Variants in PACRG observed in about 807,000 individuals in gnomAD.
PACRG encodes the protein parkin coregulated, also known as parkin coregulated gene protein.
A neutral mutation model predicts 29.7 loss-of-function variants in PACRG; 29 were observed. The observed-to-expected ratio is 0.98, with a 90% CI of 0.73 to 1.33. The LOEUF (loss-of-function observed/expected upper bound fraction) is 1.33. PACRG is among the 40% of genes most tolerant of loss of function. The probability of loss-of-function intolerance (pLI) is 0.00; values close to 1 mark genes in which losing one functional copy is unlikely to be tolerated. For synonymous variants in PACRG, 116 were observed against 118.7 expected (o/e 0.98, Z 0.15); for missense variants, 279 against 316.2 (o/e 0.88, Z 0.89).
chr6:163,252,105 C>T (rs1053843186), intron 4 of PACRG, among the ~76,000 whole-genome samples: 2 of 152,176 alleles, frequency 1.3e-5, no homozygotes, highest in Admixed American at 6.5e-5. Flanking sequence ...CACCGCAAAA[C>T]GCTCCCACGT....
chr6:162,979,290 G>C (rs4235943), intron 2 of PACRG, among the ~76,000 whole-genome samples: 81,097 of 151,620 alleles, frequency 0.53, 24,304 homozygotes, highest in African/African-American at 0.81. Flanking sequence ...ACATGTTGAG[G>C]ATTTTGTCAT....
chr6:163,096,576 G>C (rs990931954), intron 4 of PACRG, among the ~76,000 whole-genome samples: 9 of 152,182 alleles, frequency 5.9e-5, no homozygotes, highest in African/African-American at 1.7e-4. Flanking sequence ...TAACAACTCC[G>C]TGCCTTAGTC....
At chr6:162,833,377 A>G (rs981351608) in intron 2 of PACRG, among the ~76,000 whole-genome samples, 6 of 152,182 alleles carry the variant, frequency 3.9e-5, no homozygotes, top group African/African-American at 1.2e-4. Context: ...AGATATTACC[A>G]ACACTTTTTG....
chr6:162,943,297 T>C (rs1269086848), intron 2 of PACRG, among the ~76,000 whole-genome samples: 1 of 152,026 alleles, frequency 6.6e-6, no homozygotes, highest in South Asian at 2.1e-4. Flanking sequence ...CCCATTGATA[T>C]CCCCCATCCA....
rs60487047 is a variant in PACRG at position 163,269,947 on chromosome 6, G to GA, written c.614-44877dup. Among the ~76,000 whole-genome samples, 226 of 36,116 alleles carry GA rather than the reference G, an allele frequency of 6.3e-3. 36 individuals are homozygous for GA. Among genetic ancestry groups the GA allele is most frequent in the African/African-American group, 0.035 (192 of 5,434 alleles). The allele number at this position is 36,116 out of a possible 152,430, so 23.7% of individuals were successfully genotyped here. On this transcript the variant is annotated intron_variant, in intron 4 of 4. Transcript: ENST00000366888. ...GAAAGAAAACAAAGAAAGAAAGAAA[G>GA]AAAGAAAGAAAGAAAGAAAGAAAGA... is the stretch of plus-strand genomic sequence containing the variant.
chr6:163,132,826 A>G (rs1176633408), intron 4 of PACRG, among the ~76,000 whole-genome samples: 2 of 152,224 alleles, frequency 1.3e-5, no homozygotes, highest in Admixed American at 6.5e-5. Flanking sequence ...TTCACTTCCA[A>G]ATGGACTTCA....
chr6:162,730,167 A>G (rs1046332877), intron 1 of PACRG, among the ~76,000 whole-genome samples: 4 of 152,134 alleles, frequency 2.6e-5, no homozygotes, highest in African/African-American at 9.7e-5. Flanking sequence ...AAACCAAAAT[A>G]ACAACATTCA....
At chr6:162,775,162 A>C (rs1253410437) in intron 1 of PACRG, among the ~76,000 whole-genome samples, 3 of 152,200 alleles carry the variant, frequency 2.0e-5, no homozygotes, top group African/African-American at 7.2e-5. Flanking sequence ...ACCCAGTGAG[A>C]AGGTATAACA....
chr6:162,851,985 AAGGGAGGG>A (rs138868271), intron 2 of PACRG, among the ~76,000 whole-genome samples: 35 of 114,008 alleles, frequency 3.1e-4, no homozygotes, highest in Admixed American at 4.6e-4. Context: ...GAGAAAAGAA[AAGGGAGGG>A]AGGGAGGGAG....
chr6:162,862,789 C>A (rs761156869), intron 2 of PACRG, among the ~76,000 whole-genome samples: 2 of 152,132 alleles, frequency 1.3e-5, no homozygotes, highest in Non-Finnish European at 2.9e-5. Context: ...GCCACCACAT[C>A]CCAGGCTGCA....
intron 4 of PACRG, among the ~76,000 whole-genome samples, chr6:163,231,466 G>A (rs1279557229): frequency 6.6e-6 from 1 of 152,112 alleles, no homozygotes; most frequent in Non-Finnish European, 1.5e-5. Flanking sequence ...GGAGAGCCCC[G>A]GGCTGCTCTG....
At chr6:162,982,009 G>A (rs1802477790) in intron 2 of PACRG, among the ~76,000 whole-genome samples, 1 of 144,998 alleles carries the variant, frequency 6.9e-6, no homozygotes, top group African/African-American at 2.5e-5. Context: ...ATTTCTTCTT[G>A]ATTTAATCTA....
chr6:163,058,774 C>T (rs558472252), intron 2 of PACRG, among the ~76,000 whole-genome samples: 8 of 152,306 alleles, frequency 5.3e-5, no homozygotes, highest in African/African-American at 1.7e-4. Flanking sequence ...GTGGCAGGCA[C>T]CTGTGGTCCC....
chr6:163,020,146 A>G (rs1476067570), intron 2 of PACRG, among the ~76,000 whole-genome samples: 3 of 152,248 alleles, frequency 2.0e-5, no homozygotes, highest in Admixed American at 6.5e-5. Context: ...GTCTCTACCA[A>G]TCCAGGAATG....
At chr6:163,127,700 T>C (rs1389716132) in intron 4 of PACRG, among the ~76,000 whole-genome samples, 1 of 152,230 alleles carries the variant, frequency 6.6e-6, no homozygotes, top group Non-Finnish European at 1.5e-5. Flanking sequence ...TGAAGAAGTC[T>C]TTATCTTTAC....
rs567014091 is a variant in PACRG at position 162,971,796 on chromosome 6, C to T, written c.292-90354C>T. ...AAGGATCTCTGCGATCAAGCCCTGC[C>T]GGGCCGCAGCTTTCATTAGGTTGCA... is the stretch of plus-strand genomic sequence containing the variant. On this transcript the variant is annotated intron_variant, in intron 2 of 4. Coordinates refer to ENST00000366888, the MANE Select transcript of PACRG (RefSeq NM_001080379.2). 2.0e-5 allele frequency among the ~76,000 whole-genome samples: 3 copies of T among 152,300 alleles called. No homozygotes were observed. The South Asian group carries it at 6.2e-4, about 32-fold the overall frequency.
chr6:162,984,258 A>G (rs1802686992), intron 2 of PACRG, among the ~76,000 whole-genome samples: 1 of 152,098 alleles, frequency 6.6e-6, no homozygotes, highest in South Asian at 2.1e-4. Flanking sequence ...CATTTGAATG[A>G]GAACATACTA....
chr6:162,807,499 GTC>G (rs1317652816), intron 1 of PACRG, among the ~76,000 whole-genome samples: 1 of 152,110 alleles, frequency 6.6e-6, no homozygotes, highest in Non-Finnish European at 1.5e-5. Context: ...ATATTGTTCT[GTC>G]TCGGGAAATA....
At chr6:163,015,794 G>A (rs1806043358) in intron 2 of PACRG, among the ~76,000 whole-genome samples, 1 of 152,140 alleles carries the variant, frequency 6.6e-6, no homozygotes, top group Non-Finnish European at 1.5e-5. Context: ...AAGAGCGAAA[G>A]TTTGACTTCC....
Sources: gnomAD v4.1 joint callset for allele counts (sites outside exome capture counted in the v4.1 genomes callset) on GRCh38, gnomAD v4.1.1 for gene constraint, MANE v1.5 for transcripts, NCBI Gene and HGNC (gene_info 2026-07-23, HGNC 2026-07-21) for gene names.